USP8: variants seen among roughly 807,000 people sequenced by gnomAD.
USP8 encodes ubiquitin carboxyl-terminal hydrolase 8.
USP8 carries 27 observed loss-of-function variants against 130.0 expected under a neutral mutation model. The ratio of observed to expected loss-of-function variants is 0.21; its 90% confidence interval spans 0.15 to 0.29. USP8 has a LOEUF of 0.29. Among genes scored for constraint, USP8 ranks in the 10% least tolerant of loss-of-function variants. The pLI, the probability that USP8 is intolerant of heterozygous loss-of-function variation, is 1.00. For synonymous variants in USP8, 392 were observed against 444.1 expected, an observed-to-expected ratio of 0.88 and a Z score of 1.48; for missense variants, 1,029 against 1,312.2, an observed-to-expected ratio of 0.78 and a Z score of 3.33.
At chr15:50,461,650 C>G (rs1340131631) in intron 5 of USP8, among the ~76,000 whole-genome samples, 3 of 151,972 alleles carry the variant, frequency 2.0e-5, no homozygotes, top group Non-Finnish European at 2.9e-5. Flanking sequence ...GTCAAGAGAT[C>G]AAGACCAGCC....
rs886976668 is a variant in USP8 at position 50,510,598 on chromosome 15, TA to T, written c.*11511del. On this transcript the variant is annotated 3_prime_UTR_variant, in exon 20 of 20. Coordinates refer to ENST00000307179, the MANE Select transcript of USP8 (RefSeq NM_005154.5). Reference sequence around the variant, plus strand: ...ATGTAGAAGAATGTGGTTAAGGGATTATTTTGATCTATGAAGTGTCACGATA... The same window carrying T: ...ATGTAGAAGAATGTGGTTAAGGGATTTTTTGATCTATGAAGTGTCACGATA... 2.0e-5 allele frequency: 3 copies of T among 152,232 alleles called. No individual in the cohort carries two copies. The highest frequency in any genetic ancestry group is 7.2e-5 in the African/African-American group (3 of 41,456). The allele number at this position is 152,232 out of a possible 1,614,324, so 9.4% of individuals were successfully genotyped here. A position where few individuals can be genotyped will look rare whatever the true frequency, so the allele number is the denominator to read the frequency against.
At chr15:50,477,174 A>T in intron 9 of USP8, 102 bp from the exon 10 acceptor site, 8 of 1,322,588 alleles carry the variant, frequency 6.0e-6, no homozygotes, top group Admixed American at 2.8e-5. Context: ...TTGTTTTTTC[A>T]CTTAGTTTAC....
intron 16 of USP8, 56 bp downstream of exon 16, chr15:50,494,336 C>T: frequency 6.8e-7 from 1 of 1,461,408 alleles, no homozygotes; most frequent in Non-Finnish European, 9.2e-7. Flanking sequence ...CTCAGTAGCA[C>T]TGTATTTTTA....
rs981228011 is a variant in USP8 at position 50,513,899 on chromosome 15, A to G, written c.*14811A>G. 6.6e-6 allele frequency: 1 copy of G among 152,222 alleles called. No homozygotes were observed. Among genetic ancestry groups the G allele is most frequent in the Non-Finnish European group, 1.5e-5 (1 of 68,042 alleles). The allele number at this position is 152,222 out of a possible 1,614,324, so 9.4% of individuals were successfully genotyped here. ...CCAGACATATGCGTATTTCTGAACCAGGAGTTTCACTCCTAGGTATGTACT... is the reference window on the plus strand; with the variant it reads ...CCAGACATATGCGTATTTCTGAACCGGGAGTTTCACTCCTAGGTATGTACT... On this transcript the variant is annotated 3_prime_UTR_variant, in exon 20 of 20. Transcript: ENST00000307179.
intron 18 of USP8, among the ~76,000 whole-genome samples, chr15:50,497,955 A>T (rs1404692441): frequency 1.3e-5 from 2 of 152,088 alleles, no homozygotes; most frequent in Non-Finnish European, 2.9e-5. Flanking sequence ...ACATGTTCAG[A>T]TTTCTCTTGT....
intron 10 of USP8, among the ~76,000 whole-genome samples, chr15:50,479,850 C>A (rs2051701850): frequency 1.3e-5 from 2 of 152,038 alleles, no homozygotes; most frequent in African/African-American, 4.8e-5. Flanking sequence ...CCTCGACTTC[C>A]TGGGTTCAAG....
intron 1 of USP8, among the ~76,000 whole-genome samples, chr15:50,435,881 T>C (rs1326557084): frequency 3.3e-5 from 5 of 152,176 alleles, no homozygotes; most frequent in Non-Finnish European, 5.9e-5. Context: ...CGTAATCTTA[T>C]CCCTGTACTT....
chr15:50,425,402 C>T (rs971763445), intron 1 of USP8, among the ~76,000 whole-genome samples: 1 of 152,214 alleles, frequency 6.6e-6, no homozygotes, highest in African/African-American at 2.4e-5. Context: ...TTTAGGCTTG[C>T]TCTGCTGCGG....
Position 50,439,073 on chromosome 15 carries a change from C to T in USP8, c.-1C>T. ...AAGTGGAAAAGTAAAGATAATTCAT[C>T]ATGCCTGCTGTGGCTTCAGTTCCTA... On this transcript the variant is annotated 5_prime_UTR_variant, in exon 2 of 20. Coordinates refer to ENST00000307179, the MANE Select transcript of USP8 (RefSeq NM_005154.5). 1 of 1,605,844 alleles carries T rather than the reference C, an allele frequency of 6.2e-7. No individual in the cohort carries two copies. Among genetic ancestry groups the T allele is most frequent in the East Asian group, 2.2e-5 (1 of 44,482 alleles).
chr15:50,458,783 A>G (rs1382963769), intron 4 of USP8, among the ~76,000 whole-genome samples: 1 of 152,216 alleles, frequency 6.6e-6, no homozygotes. Flanking sequence ...AAATAATTTC[A>G]ACTTGAGAAC....
rs990199511 is a variant in USP8, at chr15:50,471,947, C to G, written c.849+152C>G. ...ACTGAGTCTCACTCTGTTGCCCAAGCTAGAGTACAGTGGCGTGATCTCAGC... is the reference window on the plus strand; with the variant it reads ...ACTGAGTCTCACTCTGTTGCCCAAGGTAGAGTACAGTGGCGTGATCTCAGC... On this transcript the variant is annotated intron_variant, in intron 8 of 19. Transcript: ENST00000307179. The G allele has an allele frequency of 8.0e-6, 7 of 879,838 alleles. No individual in the cohort carries two copies. The African/African-American group carries it at 1.2e-4, about 15-fold the overall frequency. 54.5% of individuals were successfully genotyped at this position (879,838 alleles called of 1,614,324 possible).
At chr15:50,445,550 A>AAAAAAAAAAAAAAAC (rs2050403210) in intron 3 of USP8, among the ~76,000 whole-genome samples, 1 of 102,148 alleles carries the variant, frequency 9.8e-6, no homozygotes, top group East Asian at 3.3e-4. Context: ...TGTCTCAAAA[A>AAAAAAAAAAAAAAAC]AAAAAAAAAA....
At chr15:50,487,139 C>T (rs1428111315) in intron 12 of USP8, among the ~76,000 whole-genome samples, 1 of 150,656 alleles carries the variant, frequency 6.6e-6, no homozygotes, top group African/African-American at 2.4e-5. Flanking sequence ...AAAAAAAAAA[C>T]AACTTATTAA....
chr15:50,506,218 C>T lies in USP8; in HGVS notation c.*7130C>T, dbSNP rs917246592. The stretch of plus-strand genomic sequence containing the variant: ...AAACAACACAGCAGAGGTCCCCAAC[C>T]CCCCCAGGCTGCCTGTCCCTGACCT... On this transcript the variant is annotated 3_prime_UTR_variant, in exon 20 of 20. Transcript: ENST00000307179. The T allele has an allele frequency of 2.6e-5, 4 of 152,390 alleles. No individual in the cohort carries two copies. Among genetic ancestry groups the T allele is most frequent in the African/African-American group, 9.7e-5 (4 of 41,444 alleles). The allele number at this position is 152,390 out of a possible 1,614,324, so 9.4% of individuals were successfully genotyped here.
intron 13 of USP8, 113 bp from the exon 14 acceptor site, chr15:50,490,150 G>A (rs1397147584): frequency 3.7e-5 from 44 of 1,195,534 alleles, no homozygotes; most frequent in South Asian, 1.7e-4. Flanking sequence ...CATTTTATTC[G>A]AATTATTTTA....
chr15:50,471,271 A>G lies in USP8; in HGVS notation c.687-362A>G, dbSNP rs72738973. ...TAGGTATAAGAGAACTGAAATATGA[A>G]TAATACTACCCAGGTGATTCCCCAG... On this transcript the variant is annotated intron_variant, in intron 7 of 19. Coordinates refer to ENST00000307179, the MANE Select transcript of USP8 (RefSeq NM_005154.5). Among the ~76,000 whole-genome samples the G allele has an allele frequency of 8.3e-3, 1,258 of 152,308 alleles. 5 individuals are homozygous for G. The highest frequency in any genetic ancestry group is 0.017 in the Middle Eastern group (5 of 294).
At chr15:50,433,880 C>G (rs1423066594) in intron 1 of USP8, among the ~76,000 whole-genome samples, 2 of 152,254 alleles carry the variant, frequency 1.3e-5, no homozygotes, top group African/African-American at 4.8e-5. Flanking sequence ...GTTGGGATTA[C>G]AGGCGTGAGC....
At chr15:50,432,793 G>A (rs1030390051) in intron 1 of USP8, among the ~76,000 whole-genome samples, 3 of 152,016 alleles carry the variant, frequency 2.0e-5, no homozygotes, top group African/African-American at 7.3e-5. Context: ...TTTTAATGCT[G>A]ATCATGACCT....
In USP8 at chr15:50,511,072, C is replaced by G. The variant is rs1304538344; in HGVS notation, c.*11984C>G. 6.6e-6 allele frequency: 1 copy of G among 152,196 alleles called. No individual in the cohort carries two copies. Among genetic ancestry groups the G allele is most frequent in the Non-Finnish European group, 1.5e-5 (1 of 68,070 alleles). The allele number at this position is 152,196 out of a possible 1,614,324, so 9.4% of individuals were successfully genotyped here. On this transcript the variant is annotated 3_prime_UTR_variant, in exon 20 of 20. Coordinates refer to ENST00000307179, the MANE Select transcript of USP8 (RefSeq NM_005154.5). ...GGATTACAGGCGTCAGCCACCGTGC[C>G]CGGCCGATGTACACCAATGTTCTCT...
Sources: allele counts gnomAD v4.1 joint callset (sites outside exome capture counted in the v4.1 genomes callset), GRCh38; gene constraint gnomAD v4.1.1; transcripts MANE v1.5; gene names NCBI Gene and HGNC (gene_info 2026-07-23, HGNC 2026-07-21).